The following TADA3 variants were observed in gnomAD, a reference collection of about 807,000 sequenced individuals.
The protein encoded by TADA3 is transcriptional adaptor 3, also known as transcriptional adapter 3.
Under a neutral mutation model 43.2 loss-of-function variants are expected in TADA3, and 25 were observed. The ratio of observed to expected loss-of-function variants is 0.58; its 90% CI spans 0.42 to 0.81. The LOEUF (loss-of-function observed/expected upper bound fraction) is 0.81. TADA3 is among the 30% of genes least tolerant of loss of function. The pLI is 0.00. For synonymous variants in TADA3, 235 were observed against 225.5 expected, an observed-to-expected ratio of 1.04 and a Z score of -0.38; for missense variants, 441 against 567.8, an observed-to-expected ratio of 0.78 and a Z score of 2.27.
intron 4 of TADA3, 64 bp from the exon 5 acceptor site, chr3:9,787,404 C>T: frequency 4.6e-6 from 7 of 1,536,886 alleles, no homozygotes; most frequent in East Asian, 4.5e-5. Flanking sequence ...TTCATTCATT[C>T]ATTCACTTAC....
intron 4 of TADA3, among the ~76,000 whole-genome samples, chr3:9,788,436 G>T (rs58380045): frequency 6.6e-6 from 1 of 151,630 alleles, no homozygotes; most frequent in Non-Finnish European, 1.5e-5. Context: ...TAGTAGAGAC[G>T]GGGTTTCACC....
In TADA3 at chr3:9,791,485, C is replaced by G. The variant is rs1176389671; in HGVS notation, c.-19G>C. On this transcript the variant is annotated 5_prime_UTR_variant, in exon 2 of 9. Transcript: ENST00000301964. ...CACTCATGGCCCAGGATATGGGGAT[C>G]CTGTGGAGCTGGAGAGGACAGGGCC... The G allele has an allele frequency of 1.9e-6, 3 of 1,586,980 alleles. No individual in the cohort carries two copies. The highest frequency in any genetic ancestry group is 2.6e-6 in the Non-Finnish European group (3 of 1,161,388).
intron 8 of TADA3, 144 bp downstream of exon 8, chr3:9,783,884 C>A: frequency 7.2e-7 from 1 of 1,380,576 alleles, no homozygotes; most frequent in Non-Finnish European, 9.5e-7. Context: ...GTGGACTGGC[C>A]ACTGCTGTTT....
upstream of TADA3, chr3:9,792,505 G>C (rs2078763813): frequency 8.2e-7 from 1 of 1,217,788 alleles, no homozygotes; most frequent in Non-Finnish European, 1.0e-6. Context: ...AGTTGACGCG[G>C]GGGCGGGGAG....
chr3:9,782,787 T>A (rs2078508971), intron 8 of TADA3, among the ~76,000 whole-genome samples: 1 of 87,394 alleles, frequency 1.1e-5, no homozygotes, highest in Non-Finnish European at 2.6e-5. Flanking sequence ...TGAGACACCG[T>A]CTCAAAAAAA....
chr3:9,780,126 C>CCAT lies in TADA3; in HGVS notation c.*228_*230dup. On this transcript the variant is annotated 3_prime_UTR_variant, in exon 9 of 9. Coordinates refer to ENST00000301964, the MANE Select transcript of TADA3 (RefSeq NM_006354.5). ...CCCAGAAACGAAGTCCCCTCCAACC[C>CCAT]CATCTCGGGGACCAAGCAGAGACTA... 1 of 440,938 alleles carries CCAT rather than the reference C, an allele frequency of 2.3e-6. No individual in the cohort carries two copies. The highest frequency in any genetic ancestry group is 3.9e-5 in the Admixed American group (1 of 25,340). The allele number at this position is 440,938 out of a possible 1,614,324, so 27.3% of individuals were successfully genotyped here.
At chr3:9,790,778 A>AACTG (rs1448176015) in intron 2 of TADA3, among the ~76,000 whole-genome samples, 6 of 152,218 alleles carry the variant, frequency 3.9e-5, no homozygotes, top group Admixed American at 2.6e-4. Context: ...CAGATAGGGA[A>AACTG]ACTGACACTC....
intron 7 of TADA3, 27 bp downstream of exon 7, chr3:9,785,289 G>C (rs939206804): frequency 6.4e-7 from 1 of 1,565,278 alleles, no homozygotes; most frequent in African/African-American, 1.3e-5. Flanking sequence ...GGGCCAGACT[G>C]TGGGTTGTGG....
At chr3:9,791,557 C>G (rs565573681) in intron 1 of TADA3, 64 bp from the exon 2 acceptor site, 1 of 976,046 alleles carries the variant, frequency 1.0e-6, no homozygotes, top group East Asian at 2.6e-5. Flanking sequence ...GGGCTTCTTA[C>G]CTCCAGGGAC....
intron 8 of TADA3, 24 bp from the exon 9 acceptor site, chr3:9,780,573 G>A (rs995938509): frequency 1.9e-6 from 3 of 1,587,100 alleles, no homozygotes; most frequent in African/African-American, 1.3e-5. Flanking sequence ...CCAGCCAGGT[G>A]CCAGGGTCAG....
chr3:9,784,864 CAAA>C (rs56673103), intron 7 of TADA3, among the ~76,000 whole-genome samples: 3 of 97,392 alleles, frequency 3.1e-5, no homozygotes. Flanking sequence ...GACTCCATCT[CAAA>C]AAAAAAAAAA....
intron 8 of TADA3, chr3:9,783,727 G>A (rs543721262): frequency 3.9e-5 from 10 of 253,498 alleles, no homozygotes; most frequent in South Asian, 8.0e-5. Context: ...GCAGTGAGCC[G>A]AGATCATGCC....
chr3:9,782,899 TGC>T (rs1349381497), intron 8 of TADA3, among the ~76,000 whole-genome samples: 1 of 152,214 alleles, frequency 6.6e-6, no homozygotes, highest in East Asian at 1.9e-4. Flanking sequence ...TTGTTCGGGT[TGC>T]TTCCCTATCT....
chr3:9,785,541 C>T, intron 6 of TADA3, 116 bp from the exon 7 acceptor site: 1 of 717,258 alleles, frequency 1.4e-6, no homozygotes, highest in Non-Finnish European at 2.3e-6. Flanking sequence ...TTTCCCATCC[C>T]ACCTACCGTG....
chr3:9,792,780 A>C, upstream of TADA3: 1 of 1,258,572 alleles, frequency 7.9e-7, no homozygotes, highest in Non-Finnish European at 1.0e-6. Flanking sequence ...GGCTTGTCCT[A>C]ATTTGGTGCC....
At chr3:9,780,665 A>G in intron 8 of TADA3, 116 bp from the exon 9 acceptor site, 1 of 1,116,482 alleles carries the variant, frequency 9.0e-7, no homozygotes, top group South Asian at 1.6e-5. Flanking sequence ...GGATTGTGTC[A>G]TACAGTCGTG....
rs1441685427 is a variant in TADA3 at position 9,791,338 on chromosome 3, C to T, written c.129G>A (p.Leu43=). The T allele has an allele frequency of 1.2e-6, 2 of 1,614,198 alleles. No homozygotes were observed. Among genetic ancestry groups the T allele is most frequent in the East Asian group, 4.5e-5 (2 of 44,886 alleles). ...TCTCCAGCTCCAGCTGCAGGGTGTC[C>T]AGCTCCTCGATGCCGATGCCATCAT... ...SEDDGIGIEE[L]DTLQLELETL... The change falls in exon 2 of 9, where the codon CTG becomes CTA. Residue 43 remains leucine (L), a synonymous_variant. Coordinates refer to ENST00000301964, the MANE Select transcript of TADA3 (RefSeq NM_006354.5).
chr3:9,788,987 C>T (rs1190942757), intron 4 of TADA3, among the ~76,000 whole-genome samples: 10 of 152,016 alleles, frequency 6.6e-5, no homozygotes, highest in African/African-American at 1.7e-4. Flanking sequence ...AGGCGCACAC[C>T]GCCATGCCTG....
At position 9,789,911 on chromosome 3, in the gene TADA3, C is replaced by G; in HGVS notation, c.260G>C (p.Gly87Ala). 1 of 1,613,254 alleles carries G rather than the reference C, an allele frequency of 6.2e-7. No individual in the cohort carries two copies. The highest frequency in any genetic ancestry group is 8.5e-7 in the Non-Finnish European group (1 of 1,179,756). Residue 87 changes from glycine (G) to alanine (A), a missense_variant, in exon 3 of 9, where the codon GGT becomes GCT. Transcript: ENST00000301964. ...GGGAGCTCCAAGTTCATGGTCTCGACCCAGCTTCAGGAATCGTCTGTCACC... is the reference window on the plus strand; with the variant it reads ...GGGAGCTCCAAGTTCATGGTCTCGAGCCAGCTTCAGGAATCGTCTGTCACC... ...KKGDRRFLKLGRDHELGAPPK... is the reference protein window; with the variant it reads ...KKGDRRFLKLARDHELGAPPK...
Sources: gnomAD v4.1 joint callset for allele counts (sites outside exome capture counted in the v4.1 genomes callset) on GRCh38, gnomAD v4.1.1 for gene constraint, MANE v1.5 for transcripts, NCBI Gene and HGNC (gene_info 2026-07-23, HGNC 2026-07-21) for gene names.